Variants in NAV2 observed in about 807,000 individuals in gnomAD.
NAV2 encodes the protein neuron navigator 2.
In NAV2, 54 loss-of-function variants were observed where a neutral mutation model predicts 223.2. The ratio of observed to expected loss-of-function variants is 0.24; its 90% CI spans 0.19 to 0.30. The LOEUF is 0.30. Among genes scored for constraint, NAV2 ranks in the 10% least tolerant of loss-of-function variants. The pLI, the probability that NAV2 is intolerant of heterozygous loss-of-function variation, is 1.00. For synonymous variants in NAV2, 1,279 were observed against 1,239.3 expected (o/e 1.03, Z -0.67); for missense variants, 2,806 against 3,147.5 (o/e 0.89, Z 2.60).
intron 1 of NAV2, among the ~76,000 whole-genome samples, chr11:19,540,996 G>A (rs1269837528): frequency 6.6e-6 from 1 of 152,222 alleles, no homozygotes; most frequent in Admixed American, 6.5e-5. Flanking sequence ...ACAATTCTGA[G>A]AAATCCTGCA....
chr11:19,723,239 C>A (rs1436718284), intron 1 of NAV2, among the ~76,000 whole-genome samples: 1 of 152,198 alleles, frequency 6.6e-6, no homozygotes, highest in Non-Finnish European at 1.5e-5. Flanking sequence ...GTGCCATTTC[C>A]TTACATAATC....
chr11:19,474,749 A>G (rs891848609), intron 1 of NAV2, among the ~76,000 whole-genome samples: 14 of 152,382 alleles, frequency 9.2e-5, no homozygotes, highest in African/African-American at 3.4e-4. Context: ...AATCAAAGTC[A>G]TCTCCAGAGA....
intron 1 of NAV2, among the ~76,000 whole-genome samples, chr11:19,556,677 G>A (rs2044903878): frequency 6.6e-6 from 1 of 152,154 alleles, no homozygotes; most frequent in Non-Finnish European, 1.5e-5. Context: ...ACACGATCTA[G>A]CAGAAGATCA....
intron 1 of NAV2, among the ~76,000 whole-genome samples, chr11:19,499,120 C>T (rs2042885549): frequency 6.6e-6 from 1 of 152,208 alleles, no homozygotes; most frequent in Non-Finnish European, 1.5e-5. Flanking sequence ...AGAGCCAGTA[C>T]ACCAGGCAGG....
chr11:19,529,843 G>A (rs552807071), intron 1 of NAV2, among the ~76,000 whole-genome samples: 4 of 152,310 alleles, frequency 2.6e-5, no homozygotes, highest in Admixed American at 2.0e-4. Flanking sequence ...GAATTAGTTG[G>A]GTTCCAGTCA....
At chr11:19,799,518 G>A (rs1243560992) in intron 1 of NAV2, among the ~76,000 whole-genome samples, 1 of 151,240 alleles carries the variant, frequency 6.6e-6, no homozygotes, top group Non-Finnish European at 1.5e-5. Context: ...TCCCAAATTA[G>A]GTGCTGGGCT....
At chr11:20,024,525 AAGCTATTGGCGCT>A (rs1475795311) in intron 11 of NAV2, among the ~76,000 whole-genome samples, 1 of 152,152 alleles carries the variant, frequency 6.6e-6, no homozygotes, top group Non-Finnish European at 1.5e-5. Context: ...ATGCTGACCA[AAGCTATTGGCGCT>A]AGCTGTTCAC....
intron 27 of NAV2, 24 bp from the exon 28 acceptor site, chr11:20,092,182 G>A: frequency 6.2e-7 from 1 of 1,604,498 alleles, no homozygotes; most frequent in South Asian, 1.1e-5. Flanking sequence ...CCTACTAAGG[G>A]AGCTTCTCCA....
At chr11:19,554,320 T>A (rs553217879) in intron 1 of NAV2, among the ~76,000 whole-genome samples, 14 of 152,202 alleles carry the variant, frequency 9.2e-5, no homozygotes, top group African/African-American at 3.4e-4. Flanking sequence ...AGAGCCAGGA[T>A]TGAGTTTGGG....
At chr11:19,721,262 A>G (rs561851497) in intron 1 of NAV2, among the ~76,000 whole-genome samples, 2 of 152,320 alleles carry the variant, frequency 1.3e-5, no homozygotes, top group South Asian at 4.1e-4. Flanking sequence ...CCCCTGCCCT[A>G]GAGTTTGGAA....
chr11:20,106,444 C>T (rs1486409466), intron 35 of NAV2, among the ~76,000 whole-genome samples: 1 of 143,626 alleles, frequency 7.0e-6, no homozygotes, highest in Non-Finnish European at 1.5e-5. Context: ...CCTGTAATCC[C>T]AGCTACTCAG....
intron 3 of NAV2, among the ~76,000 whole-genome samples, chr11:19,860,372 A>G (rs1453020775): frequency 5.2e-5 from 7 of 133,424 alleles, no homozygotes; most frequent in African/African-American, 1.5e-4. Flanking sequence ...CCGGGCAGAG[A>G]CGCTCCTCAC....
chr11:19,449,017 G>A (rs772288573), intron 1 of NAV2, among the ~76,000 whole-genome samples: 32 of 152,086 alleles, frequency 2.1e-4, no homozygotes, highest in South Asian at 4.1e-4. Context: ...ACTGTGAAAT[G>A]CAATTTGTAT....
At chr11:19,681,708 C>A (rs923645583) in intron 1 of NAV2, among the ~76,000 whole-genome samples, 3 of 152,190 alleles carry the variant, frequency 2.0e-5, no homozygotes, top group Admixed American at 2.0e-4. Flanking sequence ...TACAGGAAAT[C>A]TCTCTATACA....
In NAV2 at chr11:19,832,513, A is replaced by G. The variant is rs2060001752; in HGVS notation, c.297A>G (p.Leu99=). ...ACACAGACTGGGCCAATCATTACCTAGCCAAATCCGGCCACAAGCGTCTCA... is the reference window on the plus strand; with the variant it reads ...ACACAGACTGGGCCAATCATTACCTGGCCAAATCCGGCCACAAGCGTCTCA... ...QIYTDWANHY[L]AKSGHKRLIR... Residue 99 remains leucine (L), a synonymous_variant, in exon 2 of 38, where the codon CTA becomes CTG. Coordinates refer to ENST00000349880, the MANE Select transcript of NAV2 (RefSeq NM_145117.5). 1.2e-6 allele frequency: 2 copies of G among 1,613,998 alleles called. No individual in the cohort carries two copies. Among genetic ancestry groups the G allele is most frequent in the East Asian group, 2.2e-5 (1 of 44,888 alleles).
At chr11:19,625,156 A>G (rs1300733293) in intron 1 of NAV2, among the ~76,000 whole-genome samples, 1 of 152,146 alleles carries the variant, frequency 6.6e-6, no homozygotes, top group Admixed American at 6.5e-5. Flanking sequence ...AGAACACTAG[A>G]CTTTATTTTT....
In NAV2 at chr11:19,729,736, A is replaced by C. The variant is rs373858338; in HGVS notation, c.267+15774A>C. 1.7e-4 allele frequency among the ~76,000 whole-genome samples: 26 copies of C among 152,240 alleles called. No individual in the cohort carries two copies. The East Asian group carries it at 4.6e-3, about 27-fold the overall frequency. On this transcript the variant is annotated intron_variant, in intron 1 of 37. Coordinates refer to ENST00000349880, the MANE Select transcript of NAV2 (RefSeq NM_145117.5). ...CTTATTAGGGGCTGTGTTGGCTGAG[A>C]GGGGCCACAGCTGAATCTCAGGTCT...
At chr11:20,008,172 G>A (rs2053247023) in intron 11 of NAV2, among the ~76,000 whole-genome samples, 4 of 152,114 alleles carry the variant, frequency 2.6e-5, no homozygotes, top group Admixed American at 2.6e-4. Flanking sequence ...TTCAAGACCG[G>A]CCTGGCCAAC....
chr11:19,923,869 T>C (rs1194919952), intron 6 of NAV2, among the ~76,000 whole-genome samples: 1 of 152,196 alleles, frequency 6.6e-6, no homozygotes, highest in Non-Finnish European at 1.5e-5. Context: ...AGTTTTCTCC[T>C]GGGGATTTTG....
Sources: gnomAD v4.1 joint callset for allele counts (sites outside exome capture counted in the v4.1 genomes callset) on GRCh38, gnomAD v4.1.1 for gene constraint, MANE v1.5 for transcripts, NCBI Gene and HGNC (gene_info 2026-07-23, HGNC 2026-07-21) for gene names.